The following ZNF577 variants were observed in gnomAD, a reference collection of about 807,000 sequenced individuals.
ZNF577 encodes zinc finger protein 577.
ZNF577 carries 14 observed loss-of-function variants against 13.9 expected under a neutral mutation model. The observed-to-expected ratio is 1.00, with a 90% CI of 0.66 to 1.57. ZNF577 has a LOEUF of 1.57. ZNF577 is among the 40% of genes most tolerant of loss of function. The pLI is 0.00. For synonymous variants in ZNF577, 203 were observed against 202.9 expected, an observed-to-expected ratio of 1.00 and a Z score of 0.00; for missense variants, 555 against 579.2, an observed-to-expected ratio of 0.96 and a Z score of 0.43.
intron 3 of ZNF577, 57 bp from the exon 4 acceptor site, chr19:51,878,572 G>C: frequency 6.3e-7 from 1 of 1,598,624 alleles, no homozygotes; most frequent in South Asian, 1.1e-5. Flanking sequence ...ATGCGGAGAA[G>C]AGGGACGGGG....
In ZNF577 at chr19:51,872,357, C is replaced by G; in HGVS notation, c.*175G>C. 1 of 555,890 alleles carries G rather than the reference C, an allele frequency of 1.8e-6. No individual in the cohort carries two copies. The highest frequency in any genetic ancestry group is 3.1e-6 in the Non-Finnish European group (1 of 320,400). 34.4% of individuals were successfully genotyped at this position (555,890 alleles called of 1,614,324 possible). The stretch of plus-strand genomic sequence containing the variant: ...TCTCCAGGTAAAGACTTCCTCATAA[C>G]AGCTGCATTTCTACCCAACATGATT... On this transcript the variant is annotated 3_prime_UTR_variant, in exon 6 of 6. Coordinates refer to ENST00000638348, the MANE Select transcript of ZNF577 (RefSeq NM_001370449.1).
chr19:51,874,669 G>C (rs1177983104), intron 5 of ZNF577, among the ~76,000 whole-genome samples: 2 of 151,968 alleles, frequency 1.3e-5, no homozygotes, highest in Admixed American at 6.5e-5. Flanking sequence ...ACATTTTTTT[G>C]CCAAGAAAAC....
chr19:51,844,666 A>C, intron 6 of ZNF577: 1 of 152,210 alleles, frequency 6.6e-6, no homozygotes, highest in South Asian at 2.1e-4. Context: ...CATCCCTGCC[A>C]GCCAGAGTGT....
chr19:51,853,017 C>T (rs963504972), intron 5 of ZNF577, among the ~76,000 whole-genome samples: 6 of 151,514 alleles, frequency 4.0e-5, no homozygotes, highest in African/African-American at 1.2e-4. Flanking sequence ...CTGCAACCTC[C>T]GCCTCTGCCT....
At position 51,824,382 on chromosome 19, in the gene ZNF577, G is replaced by A. The variant is rs781711295; in HGVS notation, c.*600-12708C>T. 1.8e-5 allele frequency: 29 copies of A among 1,613,962 alleles called. No homozygotes were observed. The highest frequency in any genetic ancestry group is 2.7e-5 in the African/African-American group (2 of 74,916). ...CCTCCACTTCATTATTGGCTTCAGC[G>A]TGCCTATGTCCATCATCACAGTCTG... On this transcript the variant is annotated intron_variant and NMD_transcript_variant, in intron 9 of 10. Transcript: ENST00000638827. The surrounding 1 kb of genome is among the most constrained non-coding windows in gnomAD (Gnocchi z 4.7).
intron 5 of ZNF577, among the ~76,000 whole-genome samples, chr19:51,858,835 T>C (rs1333365884): frequency 6.6e-6 from 1 of 152,150 alleles, no homozygotes; most frequent in African/African-American, 2.4e-5. Context: ...TTTAAATATA[T>C]TTTTCTTCAT....
chr19:51,886,332 A>G (rs1422993959), intron 1 of ZNF577: 1 of 152,230 alleles, frequency 6.6e-6, no homozygotes, highest in Non-Finnish European at 1.5e-5. Flanking sequence ...TGTGACTTCA[A>G]GAATGACGAA....
chr19:51,809,619 C>T (rs1225668884), intron 10 of ZNF577, among the ~76,000 whole-genome samples: 2 of 152,184 alleles, frequency 1.3e-5, no homozygotes, highest in African/African-American at 4.8e-5. Context: ...ACTTGAATTT[C>T]TCCTTCATAA....
chr19:51,819,778 G>A (rs918193657), intron 9 of ZNF577, among the ~76,000 whole-genome samples: 7 of 152,168 alleles, frequency 4.6e-5, no homozygotes, highest in African/African-American at 1.7e-4. Flanking sequence ...TAAAGAAATA[G>A]GGTTGAAGCT....
chr19:51,829,904 A>G (rs2084253348), intron 9 of ZNF577, among the ~76,000 whole-genome samples: 1 of 152,192 alleles, frequency 6.6e-6, no homozygotes, highest in Non-Finnish European at 1.5e-5. Flanking sequence ...CACCTTCAAA[A>G]GGGAAACAAC....
chr19:51,819,730 G>GT (rs890633433), intron 9 of ZNF577, among the ~76,000 whole-genome samples: 5 of 152,212 alleles, frequency 3.3e-5, no homozygotes, highest in African/African-American at 1.2e-4. Context: ...CATTTCTAAA[G>GT]TTTGGCTAGG....
At position 51,871,944 on chromosome 19, in the gene ZNF577, T is replaced by C. The variant is rs569617542; in HGVS notation, c.*588A>G. On this transcript the variant is annotated 3_prime_UTR_variant, in exon 6 of 6. Coordinates refer to ENST00000638348, the MANE Select transcript of ZNF577 (RefSeq NM_001370449.1). ...TGTAAGATAATGATTTTGTGTTGTT[T>C]TAAGCCATTAAATTTGTGTTAGTTT... 13 of 152,468 alleles carry C rather than the reference T, an allele frequency of 8.5e-5. No homozygotes were observed. Among genetic ancestry groups the C allele is most frequent in the African/African-American group, 2.6e-4 (11 of 41,588 alleles). 9.4% of individuals were successfully genotyped at this position (152,468 alleles called of 1,614,324 possible).
chr19:51,879,118 A>G (rs1043616550), intron 3 of ZNF577, among the ~76,000 whole-genome samples: 5 of 152,010 alleles, frequency 3.3e-5, no homozygotes, highest in East Asian at 1.9e-4. Flanking sequence ...TTAGCTGGGC[A>G]TGGTGGTGGG....
At chr19:51,880,289 G>T in intron 3 of ZNF577, 34 bp downstream of exon 3, 2 of 1,607,456 alleles carry the variant, frequency 1.2e-6, no homozygotes, top group Non-Finnish European at 1.7e-6. Flanking sequence ...AAGGAAAGAA[G>T]TTTCTCAAGC....
At chr19:51,817,497 A>G (rs893753306) in intron 9 of ZNF577, among the ~76,000 whole-genome samples, 1 of 150,518 alleles carries the variant, frequency 6.6e-6, no homozygotes, top group Non-Finnish European at 1.5e-5. Context: ...GTAAGTAACC[A>G]TGTCAGTCAA....
chr19:51,829,372 A>G (rs1375177504), intron 9 of ZNF577, among the ~76,000 whole-genome samples: 6 of 147,070 alleles, frequency 4.1e-5, no homozygotes, highest in Non-Finnish European at 9.0e-5. Flanking sequence ...CCCACCCCCC[A>G]AGACAGCAGT....
In ZNF577 at chr19:51,873,569, G is replaced by C. The variant is rs752601332; in HGVS notation, c.421C>G (p.Pro141Ala). The change falls in exon 6 of 6, where the codon CCT becomes GCT. Residue 141 changes from proline (P) to alanine (A), a missense_variant. By Grantham distance (27) the Pro-to-Ala change is conservative. Transcript: ENST00000638348. Reference sequence around the variant, plus strand: ...TGTAGGTCATTGAGCTGTGATTTAGGGCTGCTGGGTTTAACACATCTATGG... The same window carrying C: ...TGTAGGTCATTGAGCTGTGATTTAGCGCTGCTGGGTTTAACACATCTATGG... ...KYHRCVKPSS[P>A]KSQLNDLQKI... 10 of 1,614,052 alleles carry C rather than the reference G, an allele frequency of 6.2e-6. No individual in the cohort carries two copies. The African/African-American group carries it at 1.1e-4, about 17-fold the overall frequency.
intron 10 of ZNF577, among the ~76,000 whole-genome samples, chr19:51,810,155 C>A (rs930957469): frequency 2.0e-5 from 3 of 152,148 alleles, no homozygotes; most frequent in African/African-American, 7.2e-5. Flanking sequence ...CCCTTGGCTC[C>A]TTTTAGATTT....
chr19:51,885,338 T>C (rs1356087894), intron 1 of ZNF577, among the ~76,000 whole-genome samples: 3 of 152,236 alleles, frequency 2.0e-5, no homozygotes, highest in Non-Finnish European at 4.4e-5. Context: ...TCTGCACCTT[T>C]ACAGAAAGTT....
Sources: allele counts gnomAD v4.1 joint callset (sites outside exome capture counted in the v4.1 genomes callset), GRCh38; gene constraint gnomAD v4.1.1; non-coding constraint Gnocchi (gnomAD v3.1); transcripts MANE v1.5; gene names NCBI Gene and HGNC (gene_info 2026-07-23, HGNC 2026-07-21).